MKLN1: variants seen among roughly 807,000 people sequenced by gnomAD.
MKLN1 encodes muskelin.
In MKLN1, 18 loss-of-function variants were observed where a neutral mutation model predicts 99.0. That is an observed-to-expected ratio of 0.18 (90% confidence interval 0.13 to 0.27). MKLN1 has a LOEUF of 0.27. Ranked by LOEUF, MKLN1 falls within the 10% of genes least tolerant of loss-of-function variation. MKLN1 has a pLI of 1.00. For missense variants in MKLN1, 621 were observed against 875.9 expected, an observed-to-expected ratio of 0.71 and a Z score of 3.67; for synonymous variants, 288 against 293.2, an observed-to-expected ratio of 0.98 and a Z score of 0.18.
chr7:131,145,581 C>T (rs1795805102), intron 2 of MKLN1, among the ~76,000 whole-genome samples: 1 of 152,126 alleles, frequency 6.6e-6, no homozygotes, highest in Non-Finnish European at 1.5e-5. Context: ...AATAAGAAAT[C>T]TGGTGCACAG....
At chr7:131,330,946 T>C (rs888475081) in intron 1 of MKLN1, among the ~76,000 whole-genome samples, 2 of 152,176 alleles carry the variant, frequency 1.3e-5, no homozygotes, top group South Asian at 2.1e-4. Flanking sequence ...TATTTTACTT[T>C]TTTTCTGAAA....
At chr7:131,367,726 T>A (rs1164222692) in intron 1 of MKLN1, among the ~76,000 whole-genome samples, 3 of 152,210 alleles carry the variant, frequency 2.0e-5, no homozygotes, top group South Asian at 4.1e-4. Flanking sequence ...ACTTATATAT[T>A]CTTTGTCTTA....
chr7:131,477,955 A>G (rs553852797), intron 16 of MKLN1, among the ~76,000 whole-genome samples: 69 of 152,324 alleles, frequency 4.5e-4, no homozygotes, highest in African/African-American at 1.6e-3. Context: ...TTAAATTGCT[A>G]ATGTTGCAAT....
intron 2 of MKLN1, among the ~76,000 whole-genome samples, chr7:131,202,096 G>A (rs1796735509): frequency 6.9e-6 from 1 of 145,572 alleles, no homozygotes; most frequent in Non-Finnish European, 1.5e-5. Flanking sequence ...TCAGTGTTTT[G>A]CTCTAACTAA....
chr7:131,336,578 TGTTA>T (rs1248735468), intron 1 of MKLN1, among the ~76,000 whole-genome samples: 2 of 152,232 alleles, frequency 1.3e-5, no homozygotes, highest in African/African-American at 4.8e-5. Flanking sequence ...TTTGTTAGCT[TGTTA>T]GTTATATATT....
chr7:131,287,381 G>A (rs923465749), intron 3 of MKLN1, among the ~76,000 whole-genome samples: 1 of 152,246 alleles, frequency 6.6e-6, no homozygotes. Context: ...AGCTCTGGGG[G>A]AGAATCTTCT....
intron 3 of MKLN1, among the ~76,000 whole-genome samples, chr7:131,240,643 G>A (rs906095799): frequency 2.0e-5 from 3 of 152,158 alleles, no homozygotes; most frequent in Non-Finnish European, 2.9e-5. Context: ...GCTATAACCT[G>A]TAACTTCACT....
chr7:131,426,945 G>A (rs888472881), intron 8 of MKLN1, among the ~76,000 whole-genome samples: 1 of 151,880 alleles, frequency 6.6e-6, no homozygotes, highest in African/African-American at 2.4e-5. Context: ...GGTAGAGACG[G>A]GATTTCACCA....
At chr7:131,331,823 CAT>C (rs1193308391) in intron 1 of MKLN1, among the ~76,000 whole-genome samples, 39 of 152,208 alleles carry the variant, frequency 2.6e-4, no homozygotes, top group African/African-American at 9.2e-4. Flanking sequence ...TTAGTATACT[CAT>C]ATGAGAACTG....
At chr7:131,424,019 A>T (rs1795280517) in intron 8 of MKLN1, among the ~76,000 whole-genome samples, 1 of 152,162 alleles carries the variant, frequency 6.6e-6, no homozygotes, top group Admixed American at 6.5e-5. Flanking sequence ...CTTCAAGGGG[A>T]TGGCTTAAGA....
chr7:131,424,962 C>A (rs944113487), intron 8 of MKLN1, among the ~76,000 whole-genome samples: 21 of 152,184 alleles, frequency 1.4e-4, no homozygotes, highest in Admixed American at 1.3e-3. Context: ...TCTGGACACA[C>A]CTGTCTTTTA....
At chr7:131,304,279 T>G (rs1373550524) in intron 3 of MKLN1, among the ~76,000 whole-genome samples, 1 of 152,138 alleles carries the variant, frequency 6.6e-6, no homozygotes, top group African/African-American at 2.4e-5. Context: ...GCTGAAGAGA[T>G]AGGATCACCT....
chr7:131,422,903 C>T (rs1483059993), intron 8 of MKLN1, among the ~76,000 whole-genome samples: 1 of 152,172 alleles, frequency 6.6e-6, no homozygotes, highest in Non-Finnish European at 1.5e-5. Context: ...TTCTGTCCTA[C>T]TGAATTTGTC....
chr7:131,475,929 G>T (rs13244567), intron 16 of MKLN1, among the ~76,000 whole-genome samples: 50,738 of 151,966 alleles, frequency 0.33, 9,047 homozygotes, highest in East Asian at 0.48. Flanking sequence ...AGTTAATTAG[G>T]AATATATTAA....
chr7:131,352,984 T>G (rs1024181437), intron 1 of MKLN1, among the ~76,000 whole-genome samples: 3 of 152,200 alleles, frequency 2.0e-5, no homozygotes, highest in African/African-American at 7.2e-5. Context: ...ATCCATTCAT[T>G]TAGATGTGCC....
At position 131,302,295 on chromosome 7, in the gene MKLN1, A is replaced by C. The variant is rs556395946; in HGVS notation, c.-178-73129A>C. Reference sequence around the variant, plus strand: ...GGTGACCTATAGATGTTCACTAAATAAATGGATGAAAGTTTAACCAATCCA... The same window carrying C: ...GGTGACCTATAGATGTTCACTAAATCAATGGATGAAAGTTTAACCAATCCA... On this transcript the variant is annotated intron_variant, in intron 3 of 7. Transcript: ENST00000416992. 4.6e-5 allele frequency among the ~76,000 whole-genome samples: 7 copies of C among 152,346 alleles called. No individual in the cohort carries two copies. The South Asian group carries it at 1.2e-3, about 27-fold the overall frequency.
intron 2 of MKLN1, among the ~76,000 whole-genome samples, chr7:131,183,285 T>A (rs326228): frequency 0.6 from 91,142 of 151,998 alleles, 27,531 homozygotes; most frequent in Middle Eastern, 0.68. Context: ...GTAAGAGAGG[T>A]AATCTGAAAA....
chr7:131,355,295 A>G (rs1799839742), intron 1 of MKLN1, among the ~76,000 whole-genome samples: 1 of 152,060 alleles, frequency 6.6e-6, no homozygotes, highest in Admixed American at 6.6e-5. Context: ...GAACTGTATC[A>G]GCCTTATTTG....
At chr7:131,449,155 G>A (rs1289883722) in intron 12 of MKLN1, among the ~76,000 whole-genome samples, 2 of 152,180 alleles carry the variant, frequency 1.3e-5, no homozygotes, top group Non-Finnish European at 2.9e-5. Context: ...TAGAGAATTA[G>A]GAAGAACCAT....
Sources: allele counts gnomAD v4.1 joint callset (sites outside exome capture counted in the v4.1 genomes callset), GRCh38; gene constraint gnomAD v4.1.1; transcripts MANE v1.5; gene names NCBI Gene and HGNC (gene_info 2026-07-23, HGNC 2026-07-21).